Variants in NUP155 observed in about 807,000 individuals in gnomAD.
The protein encoded by NUP155 is nuclear pore complex protein Nup155.
Under a neutral mutation model 180.4 loss-of-function variants are expected in NUP155, and 71 were observed. That is an observed-to-expected ratio of 0.39 (90% CI 0.33 to 0.48). The LOEUF (loss-of-function observed/expected upper bound fraction) is 0.48, where lower values mean the gene tolerates loss of function less well. Ranked by LOEUF, NUP155 falls within the 20% of genes least tolerant of loss-of-function variation. NUP155 has a pLI of 0.91. For missense variants in NUP155, 1,553 were observed against 1,648.9 expected, an observed-to-expected ratio of 0.94 and a Z score of 1.01; for synonymous variants, 582 against 559.5, an observed-to-expected ratio of 1.04 and a Z score of -0.57.
chr5:37,309,393 TA>T (rs1233740370), intron 23 of NUP155, 126 bp from the exon 24 acceptor site: 13 of 785,254 alleles, frequency 1.7e-5, no homozygotes, highest in African/African-American at 3.5e-5. Context: ...AAAACAACTC[TA>T]CAAACTTACT....
chr5:37,298,170 A>G (rs1423722542), intron 32 of NUP155, among the ~76,000 whole-genome samples: 4 of 151,902 alleles, frequency 2.6e-5, no homozygotes, highest in Admixed American at 6.6e-5. Flanking sequence ...CCTGGAAGGC[A>G]GAAGTTGCAG....
intron 20 of NUP155, among the ~76,000 whole-genome samples, chr5:37,318,589 C>T (rs144067249): frequency 1.3e-3 from 194 of 152,030 alleles, no homozygotes; most frequent in Non-Finnish European, 1.8e-3. Context: ...TTCAAATTTT[C>T]GGAATGGGGT....
At chr5:37,362,937 G>C (rs1467887081) in intron 3 of NUP155, among the ~76,000 whole-genome samples, 2 of 152,076 alleles carry the variant, frequency 1.3e-5, no homozygotes, top group Admixed American at 6.6e-5. Context: ...TTCTGAGATG[G>C]AGTCTCGCTC....
At chr5:37,311,822 C>G (rs557940421) in intron 22 of NUP155, among the ~76,000 whole-genome samples, 6 of 152,160 alleles carry the variant, frequency 3.9e-5, no homozygotes, top group African/African-American at 1.4e-4. Flanking sequence ...GAGTTCAACA[C>G]CAGCCTGGCC....
At chr5:37,327,323 A>G (rs1317344817) in intron 18 of NUP155, 1 of 365,692 alleles carries the variant, frequency 2.7e-6, no homozygotes, top group Non-Finnish European at 5.2e-6. Flanking sequence ...CAAAAGTTGT[A>G]CATGAATTTT....
chr5:37,311,806 C>T (rs1191847279), intron 22 of NUP155, among the ~76,000 whole-genome samples: 4 of 151,914 alleles, frequency 2.6e-5, no homozygotes, highest in South Asian at 2.1e-4. Flanking sequence ...GATCACCTGA[C>T]GTCAGGAGTT....
At chr5:37,293,955 C>A (rs1285809643) in intron 33 of NUP155, among the ~76,000 whole-genome samples, 5 of 71,478 alleles carry the variant, frequency 7.0e-5, no homozygotes, top group African/African-American at 7.7e-4. Context: ...GCCGAGATTG[C>A]GCCACTGCAG....
chr5:37,350,656 T>G (rs1184169561), intron 6 of NUP155, among the ~76,000 whole-genome samples: 3 of 151,742 alleles, frequency 2.0e-5, no homozygotes, highest in Admixed American at 6.6e-5. Context: ...ACACAAAAAT[T>G]AGCTGGATGT....
At chr5:37,343,223 C>T (rs1214552670) in intron 9 of NUP155, among the ~76,000 whole-genome samples, 1 of 152,002 alleles carries the variant, frequency 6.6e-6, no homozygotes, top group African/African-American at 2.4e-5. Flanking sequence ...TACAGGCACC[C>T]GCCACCACAC....
intron 29 of NUP155, among the ~76,000 whole-genome samples, chr5:37,301,806 A>G (rs181257520): frequency 6.6e-6 from 1 of 152,352 alleles, no homozygotes; most frequent in Non-Finnish European, 1.5e-5. Context: ...TAGACTATAC[A>G]GCTCAGCCTC....
chr5:37,314,795 C>T (rs1290380993), intron 21 of NUP155, among the ~76,000 whole-genome samples: 1 of 151,702 alleles, frequency 6.6e-6, no homozygotes, highest in Non-Finnish European at 1.5e-5. Flanking sequence ...CAGAGCAAGA[C>T]TCCATCTCCA....
chr5:37,288,414 T>C lies in NUP155; in HGVS notation c.*3486A>G, dbSNP rs989096751. On this transcript the variant is annotated 3_prime_UTR_variant, in exon 35 of 35. Transcript: ENST00000231498. ...AAGAAACACTAAATGTACATGTACATCAGTCAGTATCTCATAGCATAAACA... is the reference window on the plus strand; with the variant it reads ...AAGAAACACTAAATGTACATGTACACCAGTCAGTATCTCATAGCATAAACA... The C allele has an allele frequency of 6.6e-6, 1 of 151,826 alleles. No individual in the cohort carries two copies. 9.4% of individuals were successfully genotyped at this position (151,826 alleles called of 1,614,324 possible). A position where few individuals can be genotyped will look rare whatever the true frequency, so the allele number is the denominator to read the frequency against.
intron 6 of NUP155, 36 bp from the exon 7 acceptor site, chr5:37,350,301 T>C: frequency 7.3e-7 from 1 of 1,362,996 alleles, no homozygotes; most frequent in South Asian, 1.2e-5. Context: ...CTTATAAAAG[T>C]ATGTAACTCC....
chr5:37,341,013 C>T, intron 11 of NUP155, 77 bp downstream of exon 11: 1 of 1,249,854 alleles, frequency 8.0e-7, no homozygotes, highest in Non-Finnish European at 1.1e-6. Context: ...AGGGTATTTT[C>T]AAATACTTCA....
chr5:37,337,907 T>C lies in NUP155; in HGVS notation c.1258A>G (p.Met420Val). The C allele has an allele frequency of 6.3e-7, 1 of 1,589,858 alleles. No individual in the cohort carries two copies. Among genetic ancestry groups the C allele is most frequent in the Non-Finnish European group, 8.6e-7 (1 of 1,159,446 alleles). ...RALYSKGILL[M>V]AASENEDNDI... ...TTATCCTCATTTTCTGAGGCTGCCA[T>C]CAATAGAATACCTAAAAGTTTAATA... is the stretch of plus-strand genomic sequence containing the variant. Residue 420 changes from methionine to valine, a missense_variant, in exon 12 of 35, where the codon ATG becomes GTG. Coordinates refer to ENST00000231498, the MANE Select transcript of NUP155 (RefSeq NM_153485.3).
intron 18 of NUP155, chr5:37,327,123 A>G (rs56402): frequency 0.025 from 4,405 of 176,106 alleles, 222 homozygotes; most frequent in African/African-American, 0.099. Context: ...TAACACATAT[A>G]ACACAAAATA....
chr5:37,365,738 A>AAAATAT (rs1561818758), intron 1 of NUP155, among the ~76,000 whole-genome samples: 57 of 37,136 alleles, frequency 1.5e-3, no homozygotes, highest in Non-Finnish European at 2.0e-3. Flanking sequence ...AAAAAAAAAA[A>AAAATAT]ATATATATAT....
chr5:37,341,823 A>C (rs1208722546), intron 10 of NUP155, among the ~76,000 whole-genome samples: 2 of 152,198 alleles, frequency 1.3e-5, no homozygotes, highest in Admixed American at 1.3e-4. Flanking sequence ...CACAGGTGTG[A>C]GCCACCGCAC....
Position 37,333,588 on chromosome 5 carries a change from C to T in NUP155, c.1393G>A (p.Asp465Asn), listed in dbSNP as rs1466119709. The T allele has an allele frequency of 5.6e-6, 9 of 1,613,850 alleles. No homozygotes were observed. The highest frequency in any genetic ancestry group is 6.8e-6 in the Non-Finnish European group (8 of 1,179,844). The stretch of plus-strand genomic sequence containing the variant: ...ATTATTTTATCTACTTTCAATTCAT[C>T]TATCGCAGAAAGAGCCCAGGAATGA... ...DGHSWALSAI[D>N]ELKVDKIITP... Residue 465 changes from aspartate to asparagine, a missense_variant, in exon 13 of 35, where the codon GAT becomes AAT. Physicochemically the swap from Asp to Asn is conservative, Grantham distance 23. Coordinates refer to ENST00000231498, the MANE Select transcript of NUP155 (RefSeq NM_153485.3).
Sources: allele counts gnomAD v4.1 joint callset (sites outside exome capture counted in the v4.1 genomes callset), GRCh38; gene constraint gnomAD v4.1.1; transcripts MANE v1.5; gene names NCBI Gene and HGNC (gene_info 2026-07-23, HGNC 2026-07-21).